Variants in TUB observed in about 807,000 individuals in gnomAD.
TUB encodes the protein tubby protein homolog.
A neutral mutation model predicts 59.7 loss-of-function variants in TUB; 33 were observed. The ratio of observed to expected loss-of-function variants is 0.55; its 90% CI spans 0.42 to 0.74. TUB has a LOEUF of 0.74. Among genes scored for constraint, TUB ranks in the 30% least tolerant of loss-of-function variants. The pLI, the probability that TUB is intolerant of heterozygous loss-of-function variation, is 0.00. For synonymous variants in TUB, 293 were observed against 256.4 expected (o/e 1.14, Z -1.36); for missense variants, 659 against 672.0 (o/e 0.98, Z 0.21).
chr11:8,081,590 G>A (rs772270021), intron 1 of TUB, 42 bp downstream of exon 1: 11 of 1,492,574 alleles, frequency 7.4e-6, no homozygotes, highest in Non-Finnish European at 9.8e-6. Flanking sequence ...CTCCCGACTC[G>A]GGACGTGAGC....
upstream of TUB, among the ~76,000 whole-genome samples, chr11:8,033,654 T>A (rs1942606783): frequency 6.6e-6 from 1 of 152,248 alleles, no homozygotes; most frequent in South Asian, 2.1e-4. Context: ...CGGGGCCACC[T>A]GCCCCAACCC....
intron 3 of TUB, among the ~76,000 whole-genome samples, chr11:8,093,147 T>C (rs1026311406): frequency 1.3e-5 from 2 of 152,016 alleles, no homozygotes; most frequent in Non-Finnish European, 1.5e-5. Flanking sequence ...TGTGAGTAGA[T>C]GACAACACCT....
intron 1 of TUB, among the ~76,000 whole-genome samples, chr11:8,026,473 T>TAAAAAA (rs35114711): frequency 6.7e-6 from 1 of 148,512 alleles, no homozygotes; most frequent in Non-Finnish European, 1.5e-5. Context: ...TGAGATTCAT[T>TAAAAAA]AAAAAAAAAA....
At chr11:8,085,335 G>C (rs1479047657) in intron 1 of TUB, among the ~76,000 whole-genome samples, 1 of 152,240 alleles carries the variant, frequency 6.6e-6, no homozygotes, top group African/African-American at 2.4e-5. Context: ...TCAGGGCTTA[G>C]TCCCGCCAGC....
Position 8,094,203 on chromosome 11 carries a change from C to G in TUB, c.397+14C>G, listed in dbSNP as rs372105283. The G allele has an allele frequency of 1.1e-4, 174 of 1,600,910 alleles. No homozygotes were observed. Among genetic ancestry groups the G allele is most frequent in the Non-Finnish European group, 1.4e-4 (170 of 1,172,656 alleles). On this transcript the variant is annotated intron_variant, in intron 4 of 11. Transcript: ENST00000299506. ...GAAAGCACAAAGGTCAGCTCACATT[C>G]TCTACAGCCCTCCCCAGCAGGCCTG...
chr11:8,042,512 G>A (rs997815190), intron 2 of TUB, among the ~76,000 whole-genome samples: 13 of 152,140 alleles, frequency 8.5e-5, no homozygotes, highest in Non-Finnish European at 1.5e-4. Context: ...TCAACCTTTT[G>A]AGGAACTGTC....
Position 8,104,956 on chromosome 11 carries a change from A to AAAAT in TUB, c.*3339_*3342dup, listed in dbSNP as rs1327882348. The AAAAT allele has an allele frequency of 6.9e-6, 1 of 143,914 alleles. No homozygotes were observed. The highest frequency in any genetic ancestry group is 6.9e-5 in the Admixed American group (1 of 14,412). The allele number at this position is 143,914 out of a possible 1,614,324, so 8.9% of individuals were successfully genotyped here. On this transcript the variant is annotated 3_prime_UTR_variant, in exon 12 of 12. Transcript: ENST00000299506. ...TTTTTTTTTTTTTTTCTCCATTCTG[A>AAAAT]AAATAGCAGGACATTTACCTCTTAA... is the stretch of plus-strand genomic sequence containing the variant.
rs1396884155 is a variant in TUB at position 8,081,693 on chromosome 11, C to T, written c.38+145C>T. The T allele has an allele frequency of 9.7e-6, 9 of 931,982 alleles. No homozygotes were observed. In the East Asian group the frequency reaches 2.5e-4, roughly 26 times the overall value. The allele number at this position is 931,982 out of a possible 1,614,324, so 57.7% of individuals were successfully genotyped here. ...CGGGTTGGAGTCGCTGGTCCTTCCT[C>T]CCTCAACTTTGAGGGCCCCTGCGGA... On this transcript the variant is annotated intron_variant, in intron 1 of 11. Coordinates refer to ENST00000299506, the MANE Select transcript of TUB (RefSeq NM_177972.3).
chr11:8,083,826 C>T (rs1943616058), intron 1 of TUB, among the ~76,000 whole-genome samples: 1 of 152,166 alleles, frequency 6.6e-6, no homozygotes, highest in South Asian at 2.1e-4. Context: ...CAGGATCCCC[C>T]CTGCCCTGCT....
chr11:8,029,310 C>T (rs573780058), intron 1 of TUB, among the ~76,000 whole-genome samples: 207 of 152,034 alleles, frequency 1.4e-3, no homozygotes, highest in African/African-American at 4.8e-3. Flanking sequence ...CTTTACCTTT[C>T]GAGGAGAACT....
chr11:8,039,580 G>T, intron 1 of TUB: 1 of 1,363,530 alleles, frequency 7.3e-7, no homozygotes. Flanking sequence ...TGGCCAGGCA[G>T]CAGGCAGGGA....
intron 2 of TUB, 95 bp from the exon 3 acceptor site, chr11:8,089,974 G>T: frequency 6.9e-7 from 1 of 1,443,926 alleles, no homozygotes; most frequent in South Asian, 1.5e-5. Flanking sequence ...AGGACATGGG[G>T]CCTTGGCCCA....
chr11:8,061,169 T>C (rs1943117952), intron 2 of TUB, among the ~76,000 whole-genome samples: 1 of 152,258 alleles, frequency 6.6e-6, no homozygotes, highest in South Asian at 2.1e-4. Flanking sequence ...AGAGAGTCTC[T>C]GAACAGGACA....
At chr11:8,043,899 A>AT (rs2133739182) in intron 2 of TUB, among the ~76,000 whole-genome samples, 1 of 152,084 alleles carries the variant, frequency 6.6e-6, no homozygotes, top group East Asian at 1.9e-4. Flanking sequence ...CTTTTGTTTC[A>AT]TTTTCTTGCC....
upstream of TUB, among the ~76,000 whole-genome samples, chr11:8,080,176 C>T (rs1025985883): frequency 2.6e-5 from 4 of 152,192 alleles, no homozygotes; most frequent in African/African-American, 9.6e-5. Flanking sequence ...ATCAGAAGAT[C>T]CCCGCACAAC....
rs763907806 is a variant in TUB at position 8,097,144 on chromosome 11, T to G, written c.688-84T>G. 615 of 1,484,048 alleles carry G rather than the reference T, an allele frequency of 4.1e-4. 1 individual carries two copies. Among genetic ancestry groups the G allele is most frequent in the Non-Finnish European group, 5.5e-4 (592 of 1,071,728 alleles). The allele number at this position is 1,484,048 out of a possible 1,614,324, so 91.9% of individuals were successfully genotyped here. On this transcript the variant is annotated intron_variant, in intron 6 of 11. Coordinates refer to ENST00000299506, the MANE Select transcript of TUB (RefSeq NM_177972.3). ...CCTTCCCTCTCTCCCACCGCCACGTTAGGAGGCAGATTTGGATCCCAGACC... is the reference window on the plus strand; with the variant it reads ...CCTTCCCTCTCTCCCACCGCCACGTGAGGAGGCAGATTTGGATCCCAGACC...
intron 2 of TUB, among the ~76,000 whole-genome samples, chr11:8,047,970 A>G (rs532679126): frequency 2.0e-5 from 3 of 152,150 alleles, no homozygotes; most frequent in East Asian, 3.9e-4. Flanking sequence ...AATTATTTAT[A>G]TCCTTCACTG....
chr11:8,080,746 G>A (rs1943534063), upstream of TUB, among the ~76,000 whole-genome samples: 1 of 152,218 alleles, frequency 6.6e-6, no homozygotes, highest in Admixed American at 6.5e-5. Flanking sequence ...TTAACCCAAA[G>A]ACAGAGGGTT....
intron 2 of TUB, among the ~76,000 whole-genome samples, chr11:8,065,919 G>A (rs1486437965): frequency 2.6e-5 from 4 of 152,226 alleles, no homozygotes; most frequent in African/African-American, 9.7e-5. Flanking sequence ...ATACATGACA[G>A]TGTGGATTCT....
Sources: gnomAD v4.1 joint callset for allele counts (sites outside exome capture counted in the v4.1 genomes callset) on GRCh38, gnomAD v4.1.1 for gene constraint, MANE v1.5 for transcripts, NCBI Gene and HGNC (gene_info 2026-07-23, HGNC 2026-07-21) for gene names.